UBTF: variants seen among roughly 807,000 people sequenced by gnomAD.
UBTF encodes nucleolar transcription factor 1.
UBTF carries 8 observed loss-of-function variants against 112.3 expected under a neutral mutation model. The observed-to-expected ratio is 0.07, with a 90% CI of 0.04 to 0.13. The LOEUF is 0.13. Ranked by LOEUF, UBTF falls within the 10% of genes least tolerant of loss-of-function variation. The pLI is 1.00. For missense variants in UBTF, 457 were observed against 982.1 expected, an observed-to-expected ratio of 0.47 and a Z score of 7.15; for synonymous variants, 417 against 373.1, an observed-to-expected ratio of 1.12 and a Z score of -1.36.
At chr17:44,212,318 G>T in intron 8 of UBTF, 26 bp downstream of exon 8, 3 of 1,590,052 alleles carry the variant, frequency 1.9e-6, no homozygotes, top group Non-Finnish European at 2.6e-6. Context: ...AGAGCCGGAC[G>T]GGGAGGAGCG....
intron 3 of UBTF, 118 bp downstream of exon 3, chr17:44,216,411 G>A (rs2046848637): frequency 6.6e-6 from 8 of 1,219,724 alleles, no homozygotes; most frequent in Admixed American, 1.9e-5. Context: ...GAGAGCTAAC[G>A]GGAGACCACA....
Position 44,211,591 on chromosome 17 carries a change from C to T in UBTF, c.1047+15G>A. 1.9e-6 allele frequency: 3 copies of T among 1,606,836 alleles called. No homozygotes were observed. Among genetic ancestry groups the T allele is most frequent in the Non-Finnish European group, 2.5e-6 (3 of 1,177,468 alleles). On this transcript the variant is annotated intron_variant, in intron 10 of 20. Transcript: ENST00000436088. The surrounding 1 kb of genome is among the most constrained non-coding windows in gnomAD (Gnocchi z 4.9). The stretch of plus-strand genomic sequence containing the variant: ...TTCAAAACCCCAAGGCAGGGTGGCC[C>T]CTGCCACAGCTCACCTGATCACACT...
At chr17:44,215,037 C>A (rs1261008399) in intron 5 of UBTF, among the ~76,000 whole-genome samples, 3 of 152,196 alleles carry the variant, frequency 2.0e-5, no homozygotes, top group African/African-American at 4.8e-5. Context: ...TGGGACAGTG[C>A]CCGACCTCTG....
chr17:44,208,087 C>G (rs979699259), intron 17 of UBTF, among the ~76,000 whole-genome samples, 176 bp from the exon 18 acceptor site: 4 of 132,918 alleles, frequency 3.0e-5, no homozygotes, highest in Admixed American at 1.6e-4. Flanking sequence ...GAGAACACAG[C>G]TCTAATTTTT....
chr17:44,214,215 G>C (rs781057269), intron 5 of UBTF, among the ~76,000 whole-genome samples: 4 of 152,294 alleles, frequency 2.6e-5, no homozygotes, highest in Middle Eastern at 3.4e-3. Flanking sequence ...AGAAGCACCA[G>C]GCATAGAAAG....
At position 44,211,561 on chromosome 17, in the gene UBTF, C is replaced by T. The variant is rs777323476; in HGVS notation, c.1047+45G>A. The T allele has an allele frequency of 6.9e-6, 11 of 1,591,710 alleles. No homozygotes were observed. The highest frequency in any genetic ancestry group is 9.4e-6 in the Non-Finnish European group (11 of 1,170,250). On this transcript the variant is annotated intron_variant, in intron 10 of 20. Coordinates refer to ENST00000436088, the MANE Select transcript of UBTF (RefSeq NM_014233.4). This position sits in a 1 kb window ranked among gnomAD's most constrained non-coding sequence, Gnocchi z 4.9. Reference sequence around the variant, plus strand: ...ACTGGCCCAAGATGGGATCAGACCTCATGCTTCAAAACCCCAAGGCAGGGT... The same window carrying T: ...ACTGGCCCAAGATGGGATCAGACCTTATGCTTCAAAACCCCAAGGCAGGGT...
At position 44,219,472 on chromosome 17, in the gene UBTF, C is replaced by G. The variant is rs2144562060; in HGVS notation, c.-95G>C. 6.6e-6 allele frequency: 1 copy of G among 152,562 alleles called. No homozygotes were observed. Among genetic ancestry groups the G allele is most frequent in the Non-Finnish European group, 1.5e-5 (1 of 67,982 alleles). The allele number at this position is 152,562 out of a possible 1,614,324, so 9.5% of individuals were successfully genotyped here. On this transcript the variant is annotated 5_prime_UTR_variant, in exon 1 of 21. Coordinates refer to ENST00000436088, the MANE Select transcript of UBTF (RefSeq NM_014233.4). ...GGCGCAGCGCGGCCTCCGGGCTTCC[C>G]GCTCCAGCGGCTCCCTCCCTGGCTC...
rs145436194 is a variant in UBTF at position 44,207,341 on chromosome 17, G to T, written c.2196C>A (p.Asp732Glu). 35 of 1,612,338 alleles carry T rather than the reference G, an allele frequency of 2.2e-5. No homozygotes were observed. In the African/African-American group the frequency reaches 2.3e-4, roughly 10 times the overall value. The change falls in exon 21 of 21, where the codon GAC (aspartate) becomes GAA (glutamate). Residue 732 changes from aspartate to glutamate, a missense_variant. Asp to Glu is a conservative substitution (Grantham distance 45). This residue lies in a region of UBTF where 139 missense variants were observed against 157.5 expected (regional missense o/e 0.88). Coordinates refer to ENST00000436088, the MANE Select transcript of UBTF (RefSeq NM_014233.4). ...CATCCTCATCGTCATCCTCGTCGTC[G>T]TCTTCGTCCTCGTCATCCTCTTCAT... is the stretch of plus-strand genomic sequence containing the variant. The part of the protein sequence containing the change: ...DENEEDDEDE[D>E]DDEDDDEDED...
Position 44,211,385 on chromosome 17 carries a change from C to G in UBTF, c.1048-54G>C. The G allele has an allele frequency of 6.2e-7, 1 of 1,609,260 alleles. No homozygotes were observed. Among genetic ancestry groups the G allele is most frequent in the Non-Finnish European group, 8.5e-7 (1 of 1,177,076 alleles). On this transcript the variant is annotated intron_variant, in intron 10 of 20. Transcript: ENST00000436088. This position sits in a 1 kb window ranked among gnomAD's most constrained non-coding sequence, Gnocchi z 4.9. ...TCTGGAGACAGTGTCACCACAGACCCTGCAGTACTCGGAGGACAGTGACCT... is the reference window on the plus strand; with the variant it reads ...TCTGGAGACAGTGTCACCACAGACCGTGCAGTACTCGGAGGACAGTGACCT...
At chr17:44,220,353 G>C (rs2047124150), upstream of UBTF, among the ~76,000 whole-genome samples, 2 of 151,832 alleles carry the variant, frequency 1.3e-5, no homozygotes, top group African/African-American at 2.4e-5. Flanking sequence ...TTCCAGGCCA[G>C]CTCTCTCCCG....
upstream of UBTF, among the ~76,000 whole-genome samples, chr17:44,220,242 G>A (rs1486929366): frequency 2.0e-5 from 3 of 151,916 alleles, no homozygotes; most frequent in Non-Finnish European, 2.9e-5. Flanking sequence ...CGGCCGCGGA[G>A]AGGGTGCCCG....
intron 18 of UBTF, 30 bp downstream of exon 18, chr17:44,207,834 A>G (rs1824229611): frequency 6.2e-7 from 1 of 1,613,716 alleles, no homozygotes; most frequent in Admixed American, 1.7e-5. Flanking sequence ...CCCCACCCCT[A>G]CCCCACTGCT....
intron 1 of UBTF, 66 bp from the exon 2 acceptor site, chr17:44,218,362 C>G (rs2046951815): frequency 3.3e-6 from 3 of 914,208 alleles, no homozygotes; most frequent in Non-Finnish European, 5.1e-6. Context: ...ACTTTCTAAC[C>G]GCCCAGAGTA....
intron 5 of UBTF, among the ~76,000 whole-genome samples, chr17:44,215,160 C>G (rs1260365981): frequency 6.6e-6 from 1 of 152,236 alleles, no homozygotes; most frequent in East Asian, 1.9e-4. Flanking sequence ...GACTGGGACT[C>G]TGGGGCACTA....
rs1198527170 is a variant in UBTF, at chr17:44,206,436, A to ACACACACT, written c.*805_*806insAGTGTGTG. Reference sequence around the variant, plus strand: ...TTTACACACACACACACACACTCACACTCTTTTGCACACATCCACAGCTGC... The same window carrying ACACACACT: ...TTTACACACACACACACACACTCACACACACACTCTCTTTTGCACACATCCACAGCTGC... On this transcript the variant is annotated 3_prime_UTR_variant, in exon 21 of 21. Transcript: ENST00000436088. The ACACACACT allele has an allele frequency of 2.0e-5, 3 of 148,452 alleles. No homozygotes were observed. The highest frequency in any genetic ancestry group is 7.6e-5 in the African/African-American group (3 of 39,440). The allele number at this position is 148,452 out of a possible 1,614,324, so 9.2% of individuals were successfully genotyped here. A position where few individuals can be genotyped will look rare whatever the true frequency, so the allele number is the denominator to read the frequency against.
In UBTF at chr17:44,210,878, G is replaced by A; in HGVS notation, c.1273C>T (p.Leu425=). The A allele has an allele frequency of 6.3e-7, 1 of 1,590,474 alleles. No homozygotes were observed. Among genetic ancestry groups the A allele is most frequent in the Non-Finnish European group, 8.6e-7 (1 of 1,168,750 alleles). The change falls in exon 13 of 21, where the codon CTG becomes TTG. Residue 425 remains leucine (L), a synonymous_variant. Coordinates refer to ENST00000436088, the MANE Select transcript of UBTF (RefSeq NM_014233.4). ...FIFSEEKRRQ[L]QEERPELSES... is the part of the protein sequence containing the mutation. ...GAGAGCTCAGGCCGCTCCTCCTGCA[G>A]CTGCCGCCGTTTCTCCTCCGAGAAG...
rs2056746350 is a variant in UBTF at position 44,212,452 on chromosome 17, G to A, written c.663C>T (p.Ala221=). 1 of 1,600,574 alleles carries A rather than the reference G, an allele frequency of 6.2e-7. No homozygotes were observed. Among genetic ancestry groups the A allele is most frequent in the Non-Finnish European group, 8.5e-7 (1 of 1,172,712 alleles). ...GGGAGTCCTTCACCTCCTTCGTAGTGGCCTGCAAACCAAAAGCCGTCAGAC... is the reference window on the plus strand; with the variant it reads ...GGGAGTCCTTCACCTCCTTCGTAGTAGCCTGCAAACCAAAAGCCGTCAGAC... ...KKVYLKVRPD[A]TTKEVKDSLG... Residue 221 remains alanine, a splice_region_variant and synonymous_variant, in exon 8 of 21, where the codon GCC becomes GCT. Coordinates refer to ENST00000436088, the MANE Select transcript of UBTF (RefSeq NM_014233.4).
In UBTF at chr17:44,205,458, C is replaced by T. The variant is rs1051227337; in HGVS notation, c.*1784G>A. 6 of 152,394 alleles carry T rather than the reference C, an allele frequency of 3.9e-5. No individual in the cohort carries two copies. Among genetic ancestry groups the T allele is most frequent in the Non-Finnish European group, 5.9e-5 (4 of 68,038 alleles). 9.4% of individuals were successfully genotyped at this position (152,394 alleles called of 1,614,324 possible). On this transcript the variant is annotated 3_prime_UTR_variant, in exon 21 of 21. Transcript: ENST00000436088. ...GGAAACTGGGGTTCTTTGCAGGGCT[C>T]TTGGGAAGAAATAGAACCTATAAAC...
intron 1 of UBTF, among the ~76,000 whole-genome samples, chr17:44,218,724 C>T (rs1233189688): frequency 1.3e-5 from 2 of 151,704 alleles, no homozygotes; most frequent in Non-Finnish European, 2.9e-5. Context: ...GGCACGCGCC[C>T]CAGTCTCCTC....
Sources: allele counts gnomAD v4.1 joint callset (sites outside exome capture counted in the v4.1 genomes callset), GRCh38; gene constraint gnomAD v4.1.1; regional missense constraint gnomAD v4.1.1; non-coding constraint Gnocchi (gnomAD v3.1); transcripts MANE v1.5; gene names NCBI Gene and HGNC (gene_info 2026-07-23, HGNC 2026-07-21).